The following CFAP161 variants were observed in gnomAD, a reference collection of about 807,000 sequenced individuals.
CFAP161 encodes cilia and flagella associated protein 161, also known as cilia- and flagella-associated protein 161.
In CFAP161, 25 loss-of-function variants were observed where a neutral mutation model predicts 29.0. That is an observed-to-expected ratio of 0.86 (90% CI 0.63 to 1.20). The LOEUF is 1.20. CFAP161 is among the 50% of genes most tolerant of loss of function. The pLI, the probability that CFAP161 is intolerant of heterozygous loss-of-function variation, is 0.00. For missense variants in CFAP161, 367 were observed against 371.9 expected (o/e 0.99, Z 0.11); for synonymous variants, 116 against 137.4 (o/e 0.84, Z 1.09).
At chr15:81,106,836 C>T (rs1330714918) in intron 1 of CFAP161, among the ~76,000 whole-genome samples, 2 of 152,044 alleles carry the variant, frequency 1.3e-5, no homozygotes, top group African/African-American at 4.8e-5. Context: ...GAGGCCGAGG[C>T]GGGTGGATCA....
chr15:81,121,559 A>G, intron 1 of CFAP161, among the ~76,000 whole-genome samples: 1 of 152,068 alleles, frequency 6.6e-6, no homozygotes, highest in Non-Finnish European at 1.5e-5. Flanking sequence ...AGTTATATAT[A>G]TATATTAATT....
At position 81,136,679 on chromosome 15, in the gene CFAP161, A is replaced by T. The variant is rs746807332; in HGVS notation, c.323A>T (p.Glu108Val). The change falls in exon 3 of 7, where the codon GAG (glutamate) becomes GTG (valine). Residue 108 changes from glutamate to valine, a missense_variant. Transcript: ENST00000286732. Reference protein sequence around the residue: ...EIQSHLKDELEVPCGLSAVQA... With the variant: ...EIQSHLKDELVVPCGLSAVQA... ...CAGTCCCATCTGAAAGACGAATTAG[A>T]GGTACCCTGTGGCCTGAGCGCAGTT... 2.5e-6 allele frequency: 4 copies of T among 1,614,204 alleles called. No homozygotes were observed. The East Asian group carries it at 8.9e-5, about 36-fold the overall frequency.
intron 4 of CFAP161, among the ~76,000 whole-genome samples, chr15:81,139,899 TG>T (rs1894877403): frequency 6.6e-6 from 1 of 152,238 alleles, no homozygotes; most frequent in African/African-American, 2.4e-5. Flanking sequence ...CTTCATTAAT[TG>T]TATTAAATAT....
At chr15:81,117,329 A>G (rs1472598381) in intron 1 of CFAP161, among the ~76,000 whole-genome samples, 2 of 152,166 alleles carry the variant, frequency 1.3e-5, no homozygotes. Context: ...TGTAATTGGT[A>G]GCCACAGATG....
At position 81,136,548 on chromosome 15, in the gene CFAP161, T is replaced by G. The variant is rs1449012725; in HGVS notation, c.192T>G (p.Ile64Met). ...TTTCCGTAACTGAAGATGGCTATAT[T>G]CATTACGGTGACAAAGTGATGCTTG... ...MQLSVTEDGY[I>M]HYGDKVMLVN... Residue 64 changes from isoleucine to methionine, a missense_variant, in exon 3 of 7, where the codon ATT (isoleucine) becomes ATG (methionine). Coordinates refer to ENST00000286732, the MANE Select transcript of CFAP161 (RefSeq NM_173528.4). 2 of 1,614,078 alleles carry G rather than the reference T, an allele frequency of 1.2e-6. No homozygotes were observed. Among genetic ancestry groups the G allele is most frequent in the African/African-American group, 2.7e-5 (2 of 74,918 alleles).
chr15:81,100,955 T>C (rs1295186520), intron 1 of CFAP161, among the ~76,000 whole-genome samples: 2 of 152,214 alleles, frequency 1.3e-5, no homozygotes, highest in Non-Finnish European at 2.9e-5. Flanking sequence ...GTGTTACTAG[T>C]TCAATAACTT....
chr15:81,118,302 G>A, intron 1 of CFAP161: 1 of 493,010 alleles, frequency 2.0e-6, no homozygotes, highest in South Asian at 1.9e-5. Flanking sequence ...CAATTTTCCA[G>A]TCATTTGATT....
At chr15:81,119,581 G>C (rs2663932) in intron 1 of CFAP161, among the ~76,000 whole-genome samples, 86,948 of 151,886 alleles carry the variant, frequency 0.57, 26,126 homozygotes, top group Non-Finnish European at 0.68. Context: ...TTTGGCAATG[G>C]CTCCCATACA....
intron 1 of CFAP161, among the ~76,000 whole-genome samples, chr15:81,125,861 T>C (rs1894634236): frequency 6.7e-6 from 1 of 149,658 alleles, no homozygotes; most frequent in Admixed American, 6.6e-5. Context: ...GTTTTTTTTG[T>C]TTGTTTTTGT....
chr15:81,146,918 A>C (rs1054108375), intron 5 of CFAP161, among the ~76,000 whole-genome samples: 3 of 139,094 alleles, frequency 2.2e-5, no homozygotes, highest in African/African-American at 7.8e-5. Flanking sequence ...CAATTTGCCC[A>C]CAAGGAAATT....
intron 1 of CFAP161, among the ~76,000 whole-genome samples, chr15:81,100,774 G>A (rs1235870275): frequency 6.6e-6 from 1 of 151,350 alleles, no homozygotes; most frequent in African/African-American, 2.4e-5. Context: ...CTGGGTTCAG[G>A]CAATCCTCCT....
At chr15:81,113,466 C>T (rs1894461676) in intron 1 of CFAP161, among the ~76,000 whole-genome samples, 1 of 152,166 alleles carries the variant, frequency 6.6e-6, no homozygotes, top group African/African-American at 2.4e-5. Context: ...CTTCAGATGC[C>T]AAGTGCAAGT....
At chr15:81,126,062 G>A (rs1414944570) in intron 1 of CFAP161, among the ~76,000 whole-genome samples, 1 of 152,108 alleles carries the variant, frequency 6.6e-6, no homozygotes, top group East Asian at 1.9e-4. Flanking sequence ...TAGAGCTGGG[G>A]TTTCACCATG....
At chr15:81,136,173 T>A (rs1438564636) in intron 2 of CFAP161, among the ~76,000 whole-genome samples, 1 of 152,266 alleles carries the variant, frequency 6.6e-6, no homozygotes, top group Non-Finnish European at 1.5e-5. Flanking sequence ...CCCTAAATCA[T>A]GTTTACCTGC....
chr15:81,109,484 T>C lies in CFAP161; in HGVS notation c.-141-18106T>C, dbSNP rs182171226. On this transcript the variant is annotated intron_variant, in intron 1 of 4. Transcript: ENST00000560091. ...AGAAAGTTTGTTCAACTTTGCTTTTTTCGGTTAGAATTGTATGTGCTCCAG... is the reference window on the plus strand; with the variant it reads ...AGAAAGTTTGTTCAACTTTGCTTTTCTCGGTTAGAATTGTATGTGCTCCAG... 4.6e-5 allele frequency among the ~76,000 whole-genome samples: 7 copies of C among 152,310 alleles called. No homozygotes were observed. The East Asian group carries it at 1.4e-3, about 29-fold the overall frequency.
chr15:81,135,647 C>G (rs142088596), intron 2 of CFAP161, among the ~76,000 whole-genome samples: 148 of 151,894 alleles, frequency 9.7e-4, no homozygotes, highest in African/African-American at 3.2e-3. Context: ...ATAGTTTGCT[C>G]AGAATGATGG....
chr15:81,111,289 G>A (rs1371512449), intron 1 of CFAP161, among the ~76,000 whole-genome samples: 7 of 152,230 alleles, frequency 4.6e-5, no homozygotes, highest in Admixed American at 1.3e-4. Context: ...AGTGCTTGAC[G>A]CACAGTGAAT....
upstream of CFAP161, chr15:81,134,166 C>G (rs1194848794): frequency 1.1e-5 from 8 of 724,802 alleles, no homozygotes; most frequent in East Asian, 2.3e-4. Flanking sequence ...AGCCGCTGAC[C>G]CAGACGCCCC....
chr15:81,147,381 G>A (rs926251227), intron 5 of CFAP161, among the ~76,000 whole-genome samples: 19 of 152,182 alleles, frequency 1.2e-4, no homozygotes, highest in African/African-American at 4.6e-4. Flanking sequence ...GTTGGCCTGT[G>A]TTCTTTTTGG....
Sources: gnomAD v4.1 joint callset for allele counts (sites outside exome capture counted in the v4.1 genomes callset) on GRCh38, gnomAD v4.1.1 for gene constraint, MANE v1.5 for transcripts, NCBI Gene and HGNC (gene_info 2026-07-23, HGNC 2026-07-21) for gene names.